TAFA5: variants seen among roughly 807,000 people sequenced by gnomAD.
The protein encoded by TAFA5 is TAFA chemokine like family member 5, also known as chemokine-like protein TAFA-5.
Under a neutral mutation model 15.3 loss-of-function variants are expected in TAFA5, and 6 were observed. The observed-to-expected ratio is 0.39, with a 90% CI of 0.21 to 0.77. The LOEUF (loss-of-function observed/expected upper bound fraction) is 0.77. Among genes scored for constraint, TAFA5 ranks in the 30% least tolerant of loss-of-function variants. TAFA5 has a pLI of 0.41. For synonymous variants in TAFA5, 103 were observed against 80.7 expected (o/e 1.28, Z -1.48); for missense variants, 161 against 193.1 (o/e 0.83, Z 0.98).
intron 2 of TAFA5, among the ~76,000 whole-genome samples, chr22:48,682,311 A>G (rs1274088610): frequency 6.6e-6 from 1 of 152,234 alleles, no homozygotes; most frequent in Non-Finnish European, 1.5e-5. Flanking sequence ...GAAATGGCAG[A>G]TGGCACCTGG....
At chr22:48,717,270 G>A (rs967922832) in intron 3 of TAFA5, among the ~76,000 whole-genome samples, 3 of 152,234 alleles carry the variant, frequency 2.0e-5, no homozygotes, top group African/African-American at 7.2e-5. Flanking sequence ...AGCGCAGGCT[G>A]CGACTCCTGA....
chr22:48,732,382 G>A (rs1036519598), intron 3 of TAFA5, among the ~76,000 whole-genome samples: 3 of 152,000 alleles, frequency 2.0e-5, no homozygotes, highest in Non-Finnish European at 2.9e-5. Context: ...TCAGCCTCCC[G>A]AGTAGGTGGG....
chr22:48,638,924 T>G, intron 1 of TAFA5, among the ~76,000 whole-genome samples: 1 of 27,598 alleles, frequency 3.6e-5, no homozygotes, highest in Non-Finnish European at 5.2e-5. Flanking sequence ...AAGCCCTGGG[T>G]CACCGCACAC....
chr22:48,721,729 G>T lies in TAFA5; in HGVS notation c.390+13885G>T, dbSNP rs570396920. ...TCACGCCTGTAATCCCAGCACTTTG[G>T]GAGGCCAAGCAGGCAGATCACTTGA... On this transcript the variant is annotated intron_variant, in intron 3 of 3. Transcript: ENST00000402357. Among the ~76,000 whole-genome samples, 27 of 152,292 alleles carry T rather than the reference G, an allele frequency of 1.8e-4. No individual in the cohort carries two copies. In the East Asian group the frequency reaches 4.2e-3, roughly 24 times the overall value.
At chr22:48,597,118 G>C (rs767460104) in intron 1 of TAFA5, among the ~76,000 whole-genome samples, 16 of 152,196 alleles carry the variant, frequency 1.1e-4, no homozygotes, top group Non-Finnish European at 2.4e-4. Context: ...GTTTTTTAAA[G>C]AACACCAAAA....
At chr22:48,544,593 T>G (rs1257634982) in intron 1 of TAFA5, 1 of 429,062 alleles carries the variant, frequency 2.3e-6, no homozygotes, top group East Asian at 7.1e-5. Context: ...CTCCCAGAGC[T>G]GCACAGAGCG....
chr22:48,680,367 C>T (rs928338081), intron 2 of TAFA5, among the ~76,000 whole-genome samples: 2 of 152,228 alleles, frequency 1.3e-5, no homozygotes, highest in Admixed American at 1.3e-4. Flanking sequence ...GCACAGCCTC[C>T]TGCTGTACCC....
chr22:48,710,278 GCCTGTCCCCAA>G (rs1324972596), intron 3 of TAFA5, among the ~76,000 whole-genome samples: 3 of 152,178 alleles, frequency 2.0e-5, no homozygotes, highest in Non-Finnish European at 2.9e-5. Context: ...CACAGATGTG[GCCTGTCCCCAA>G]CCTGTCAGGC....
At chr22:48,744,188 CATG>C (rs1370282765) in intron 3 of TAFA5, among the ~76,000 whole-genome samples, 7 of 152,102 alleles carry the variant, frequency 4.6e-5, no homozygotes, top group Non-Finnish European at 1.0e-4. Context: ...ATGCTGGCTC[CATG>C]ATGGCCCTTA....
At chr22:48,603,857 C>G (rs754033786) in intron 1 of TAFA5, among the ~76,000 whole-genome samples, 9 of 152,048 alleles carry the variant, frequency 5.9e-5, no homozygotes, top group Non-Finnish European at 1.3e-4. Flanking sequence ...GCTGGAGGAC[C>G]CTGGCTCCCA....
At chr22:48,548,803 C>A (rs1922765309) in intron 1 of TAFA5, among the ~76,000 whole-genome samples, 1 of 152,260 alleles carries the variant, frequency 6.6e-6, no homozygotes, top group African/African-American at 2.4e-5. Context: ...CAACCGAAGT[C>A]TCTTATCTCC....
intron 1 of TAFA5, among the ~76,000 whole-genome samples, chr22:48,600,203 T>C (rs1924914476): frequency 6.6e-6 from 1 of 152,128 alleles, no homozygotes; most frequent in African/African-American, 2.4e-5. Context: ...CATCCCCAGA[T>C]AACAGTGCAG....
At chr22:48,576,677 G>C in intron 1 of TAFA5, 1 of 1,197,438 alleles carries the variant, frequency 8.4e-7, no homozygotes, top group Non-Finnish European at 1.0e-6. Flanking sequence ...GCCGCGCTCG[G>C]CTGAGGCTCG....
chr22:48,636,444 A>G (rs1474363674), intron 1 of TAFA5, among the ~76,000 whole-genome samples: 1 of 152,182 alleles, frequency 6.6e-6, no homozygotes, highest in Non-Finnish European at 1.5e-5. Context: ...TAAAGAATGC[A>G]TTTTCTGTGT....
At chr22:48,538,221 C>T (rs779615085) in intron 1 of TAFA5, among the ~76,000 whole-genome samples, 7 of 151,514 alleles carry the variant, frequency 4.6e-5, no homozygotes, top group African/African-American at 1.2e-4. Flanking sequence ...TACCGAAAGT[C>T]GCTGCCAGCT....
intron 2 of TAFA5, among the ~76,000 whole-genome samples, chr22:48,667,290 C>A (rs986719567): frequency 6.9e-6 from 1 of 145,634 alleles, no homozygotes; most frequent in Non-Finnish European, 1.5e-5. Flanking sequence ...TACCACCTAA[C>A]GGTGTGATGA....
At chr22:48,522,142 G>A (rs1418496495) in intron 1 of TAFA5, among the ~76,000 whole-genome samples, 1 of 152,094 alleles carries the variant, frequency 6.6e-6, no homozygotes, top group African/African-American at 2.4e-5. Flanking sequence ...TTTTTCCCAC[G>A]TAGAAGCTGG....
At position 48,489,572 on chromosome 22, in the gene TAFA5, C is replaced by G. The variant is rs781138134; in HGVS notation, c.-21C>G. Reference sequence around the variant, plus strand: ...GCTGCTGAGACGCGCTGCTGCCCCCCGCGCGGGCGCCGCGGCTTCAATGGC... The same window carrying G: ...GCTGCTGAGACGCGCTGCTGCCCCCGGCGCGGGCGCCGCGGCTTCAATGGC... On this transcript the variant is annotated 5_prime_UTR_variant, in exon 1 of 4. Coordinates refer to ENST00000402357, the MANE Select transcript of TAFA5 (RefSeq NM_001082967.3). The surrounding 1 kb of genome is among the most constrained non-coding windows in gnomAD (Gnocchi z 5.5). 21 of 1,403,620 alleles carry G rather than the reference C, an allele frequency of 1.5e-5. No individual in the cohort carries two copies. Among genetic ancestry groups the G allele is most frequent in the Admixed American group, 7.7e-5 (3 of 38,844 alleles). The allele number at this position is 1,403,620 out of a possible 1,614,324, so 86.9% of individuals were successfully genotyped here.
intron 2 of TAFA5, among the ~76,000 whole-genome samples, chr22:48,707,052 T>TGCCCC (rs1457370380): frequency 1.3e-5 from 2 of 152,164 alleles, no homozygotes. Context: ...GGCCCTGCCC[T>TGCCCC]GCCCCCTGCC....
Sources: allele counts gnomAD v4.1 joint callset (sites outside exome capture counted in the v4.1 genomes callset), GRCh38; gene constraint gnomAD v4.1.1; non-coding constraint Gnocchi (gnomAD v3.1); transcripts MANE v1.5; gene names NCBI Gene and HGNC (gene_info 2026-07-23, HGNC 2026-07-21).